The following HS6ST3 variants were observed in gnomAD, a reference collection of about 807,000 sequenced individuals.
HS6ST3 encodes the protein heparan-sulfate 6-O-sulfotransferase 3.
Under a neutral mutation model 36.7 loss-of-function variants are expected in HS6ST3, and 12 were observed. The observed-to-expected ratio is 0.33, with a 90% CI of 0.21 to 0.53. The LOEUF (loss-of-function observed/expected upper bound fraction) is 0.53. Ranked by LOEUF, HS6ST3 falls within the 20% of genes least tolerant of loss-of-function variation. The pLI is 0.95. For synonymous variants in HS6ST3, 240 were observed against 257.5 expected (o/e 0.93, Z 0.65); for missense variants, 584 against 640.9 (o/e 0.91, Z 0.96).
chr13:96,186,900 A>G (rs2054267255), intron 1 of HS6ST3, among the ~76,000 whole-genome samples: 1 of 152,220 alleles, frequency 6.6e-6, no homozygotes, highest in African/African-American at 2.4e-5. Flanking sequence ...TGATGATGCT[A>G]GCCTCAAGGG....
chr13:96,428,545 T>A (rs2055598758), intron 1 of HS6ST3, among the ~76,000 whole-genome samples: 1 of 152,126 alleles, frequency 6.6e-6, no homozygotes, highest in Non-Finnish European at 1.5e-5. Context: ...TGTGTCTGTG[T>A]CCTAACCTCC....
intron 1 of HS6ST3, among the ~76,000 whole-genome samples, chr13:96,422,766 C>T (rs1031830403): frequency 2.6e-5 from 4 of 152,120 alleles, no homozygotes; most frequent in African/African-American, 7.2e-5. Context: ...GCAAGGTAAC[C>T]AAGCACTGGA....
chr13:96,116,816 T>C (rs1160105257), intron 1 of HS6ST3, among the ~76,000 whole-genome samples: 4 of 152,200 alleles, frequency 2.6e-5, no homozygotes, highest in Non-Finnish European at 4.4e-5. Context: ...TGTGATTATG[T>C]TGGCACCTGA....
intron 1 of HS6ST3, among the ~76,000 whole-genome samples, chr13:96,131,426 TA>T (rs551902071): frequency 5.3e-5 from 8 of 152,140 alleles, no homozygotes; most frequent in Admixed American, 1.3e-4. Context: ...TAAAAAAACT[TA>T]AAAAAATTGA....
chr13:96,130,273 CG>C (rs1555387192), intron 1 of HS6ST3, among the ~76,000 whole-genome samples: 2 of 152,016 alleles, frequency 1.3e-5, no homozygotes, highest in Non-Finnish European at 2.9e-5. Context: ...AAAGGGCATG[CG>C]TGTGGTGCTG....
At chr13:96,707,299 A>G (rs1875452967) in intron 1 of HS6ST3, among the ~76,000 whole-genome samples, 4 of 152,138 alleles carry the variant, frequency 2.6e-5, no homozygotes, top group African/African-American at 7.2e-5. Flanking sequence ...CTGTCTGTAA[A>G]TTGGAAAGAG....
chr13:96,318,195 A>G (rs1473036302), intron 1 of HS6ST3, among the ~76,000 whole-genome samples: 1 of 152,172 alleles, frequency 6.6e-6, no homozygotes, highest in Non-Finnish European at 1.5e-5. Flanking sequence ...CTTACATTTA[A>G]ATCTTTAGTC....
chr13:96,411,779 CAGA>C (rs1383006218), intron 1 of HS6ST3, among the ~76,000 whole-genome samples: 1 of 152,028 alleles, frequency 6.6e-6, no homozygotes, highest in Non-Finnish European at 1.5e-5. Flanking sequence ...GAGGGATGGA[CAGA>C]AGATGGATCT....
rs539482923 is a variant in HS6ST3 at position 96,734,607 on chromosome 13, A to C, written c.708-97883A>C. On this transcript the variant is annotated intron_variant, in intron 1 of 1. Coordinates refer to ENST00000376705, the MANE Select transcript of HS6ST3 (RefSeq NM_153456.4). ...ATAGATTAAATATACACAGCATTTTAAATGACATTTTTACATTGTTAAAGC... is the reference window on the plus strand; with the variant it reads ...ATAGATTAAATATACACAGCATTTTCAATGACATTTTTACATTGTTAAAGC... Among the ~76,000 whole-genome samples, 4 of 151,234 alleles carry C rather than the reference A, an allele frequency of 2.6e-5. No homozygotes were observed. The East Asian group carries it at 7.8e-4, about 30-fold the overall frequency.
chr13:96,812,079 G>A (rs1256885465), intron 1 of HS6ST3, among the ~76,000 whole-genome samples: 1 of 152,182 alleles, frequency 6.6e-6, no homozygotes, highest in Non-Finnish European at 1.5e-5. Context: ...CTGACATTCT[G>A]AGTAGAGTGG....
intron 1 of HS6ST3, among the ~76,000 whole-genome samples, chr13:96,227,836 C>T (rs1321989184): frequency 1.3e-5 from 2 of 152,220 alleles, no homozygotes; most frequent in African/African-American, 4.8e-5. Context: ...GACACAAGGA[C>T]TGACCTTCTC....
intron 1 of HS6ST3, among the ~76,000 whole-genome samples, chr13:96,281,545 G>A (rs2054776151): frequency 6.6e-6 from 1 of 152,162 alleles, no homozygotes; most frequent in South Asian, 2.1e-4. Context: ...GCTATTGTGG[G>A]ATTTTTGTCC....
intron 1 of HS6ST3, among the ~76,000 whole-genome samples, chr13:96,646,690 G>A (rs1267843262): frequency 6.6e-6 from 1 of 151,922 alleles, no homozygotes; most frequent in Non-Finnish European, 1.5e-5. Flanking sequence ...GCCGATGAAA[G>A]TGGATCAATT....
intron 1 of HS6ST3, among the ~76,000 whole-genome samples, chr13:96,579,958 CTATCT>C (rs2056335670): frequency 6.6e-6 from 1 of 152,076 alleles, no homozygotes; most frequent in South Asian, 2.1e-4. Context: ...TTGAATGCTG[CTATCT>C]TATATTTGAG....
chr13:96,519,272 T>A (rs2056084299), intron 1 of HS6ST3, among the ~76,000 whole-genome samples: 1 of 152,188 alleles, frequency 6.6e-6, no homozygotes, highest in South Asian at 2.1e-4. Flanking sequence ...TTTTCCTAAT[T>A]GCCTACCAGG....
At chr13:96,625,145 G>C (rs539567963) in intron 1 of HS6ST3, among the ~76,000 whole-genome samples, 1 of 152,256 alleles carries the variant, frequency 6.6e-6, no homozygotes, top group Admixed American at 6.5e-5. Context: ...GTGAATTAAG[G>C]GGCAGTTTAT....
chr13:96,727,113 T>A (rs1876024675), intron 1 of HS6ST3, among the ~76,000 whole-genome samples: 1 of 152,192 alleles, frequency 6.6e-6, no homozygotes, highest in Admixed American at 6.5e-5. Flanking sequence ...GGTTTAATAC[T>A]CTTTACTCAG....
intron 1 of HS6ST3, among the ~76,000 whole-genome samples, chr13:96,617,888 T>A (rs2056480223): frequency 6.6e-6 from 1 of 152,230 alleles, no homozygotes; most frequent in African/African-American, 2.4e-5. Flanking sequence ...TTAGGTCTTC[T>A]CTTAATATGA....
At chr13:96,389,193 G>A (rs2055383524) in intron 1 of HS6ST3, among the ~76,000 whole-genome samples, 1 of 152,054 alleles carries the variant, frequency 6.6e-6, no homozygotes, top group South Asian at 2.1e-4. Flanking sequence ...TCTCATGTAA[G>A]ACATGATGAC....
Sources: gnomAD v4.1 joint callset for allele counts (sites outside exome capture counted in the v4.1 genomes callset) on GRCh38, gnomAD v4.1.1 for gene constraint, MANE v1.5 for transcripts, NCBI Gene and HGNC (gene_info 2026-07-23, HGNC 2026-07-21) for gene names.